ZMIZ1: variants seen among roughly 807,000 people sequenced by gnomAD.
ZMIZ1 encodes zinc finger MIZ domain-containing protein 1.
Under a neutral mutation model 113.9 loss-of-function variants are expected in ZMIZ1, and 17 were observed. The ratio of observed to expected loss-of-function variants is 0.15; its 90% confidence interval spans 0.10 to 0.22. The LOEUF (loss-of-function observed/expected upper bound fraction) is 0.22. ZMIZ1 is among the 10% of genes least tolerant of loss of function. ZMIZ1 has a pLI of 1.00. For missense variants in ZMIZ1, 1,059 were observed against 1,477.8 expected (o/e 0.72, Z 4.65); for synonymous variants, 607 against 603.1 (o/e 1.01, Z -0.09).
chr10:79,285,599 T>C (rs754141479), intron 8 of ZMIZ1: 3 of 455,968 alleles, frequency 6.6e-6, no homozygotes, highest in African/African-American at 2.0e-5. Flanking sequence ...AATGGACATA[T>C]TCATTTTCAG....
intron 7 of ZMIZ1, among the ~76,000 whole-genome samples, chr10:79,230,071 C>T (rs532141828): frequency 9.9e-5 from 15 of 152,260 alleles, no homozygotes; most frequent in Non-Finnish European, 1.6e-4. Flanking sequence ...TGTGTGGGGA[C>T]GCTGCCCTCC....
intron 3 of ZMIZ1, among the ~76,000 whole-genome samples, chr10:79,146,341 AGACTCT>A (rs1459015465): frequency 6.6e-6 from 1 of 152,142 alleles, no homozygotes; most frequent in African/African-American, 2.4e-5. Flanking sequence ...AAAGTGCTCA[AGACTCT>A]GGCCCGCAGA....
At chr10:79,269,658 C>G (rs1487112596) in intron 7 of ZMIZ1, among the ~76,000 whole-genome samples, 2 of 152,128 alleles carry the variant, frequency 1.3e-5, no homozygotes, top group East Asian at 3.9e-4. Context: ...TTCATCCCTC[C>G]CAGCCTCCCC....
At chr10:79,135,071 G>T (rs768264039) in intron 2 of ZMIZ1, among the ~76,000 whole-genome samples, 5 of 152,194 alleles carry the variant, frequency 3.3e-5, no homozygotes, top group Non-Finnish European at 5.9e-5. Flanking sequence ...GCCCGCCTCC[G>T]CCTCCAAAGT....
At chr10:79,081,803 G>A (rs55869157) in intron 1 of ZMIZ1, among the ~76,000 whole-genome samples, 19,895 of 152,240 alleles carry the variant, frequency 0.13, 1,414 homozygotes, top group East Asian at 0.2. Context: ...GCTGTCGCAC[G>A]AGTCCAAGGG....
chr10:79,314,059 C>A lies in ZMIZ1; in HGVS notation c.*1310C>A, dbSNP rs1249673967. ...TGCCCCAGACACTGCCCTTGGCTGC[C>A]AGCCTACCCTGCCTGCACTCCTCCA... On this transcript the variant is annotated 3_prime_UTR_variant, in exon 25 of 25. Transcript: ENST00000334512. 1.1e-5 allele frequency: 5 copies of A among 456,812 alleles called. No homozygotes were observed. The highest frequency in any genetic ancestry group is 2.2e-5 in the Non-Finnish European group (5 of 227,000). The allele number at this position is 456,812 out of a possible 1,614,324, so 28.3% of individuals were successfully genotyped here.
chr10:79,251,544 TG>T (rs1850557629), intron 7 of ZMIZ1, among the ~76,000 whole-genome samples: 1 of 152,074 alleles, frequency 6.6e-6, no homozygotes, highest in South Asian at 2.1e-4. Flanking sequence ...ATACATCTGT[TG>T]GGGGTACCTT....
At chr10:79,081,069 G>A (rs995446246) in intron 1 of ZMIZ1, among the ~76,000 whole-genome samples, 3 of 152,070 alleles carry the variant, frequency 2.0e-5, no homozygotes, top group African/African-American at 7.2e-5. Context: ...ATGCCTCCAC[G>A]GACAGGCTGC....
At chr10:79,124,675 C>T (rs916083028) in intron 2 of ZMIZ1, among the ~76,000 whole-genome samples, 5 of 152,332 alleles carry the variant, frequency 3.3e-5, no homozygotes, top group Admixed American at 1.3e-4. Flanking sequence ...GCTCTTTCCT[C>T]ATGCTGTAGG....
intron 7 of ZMIZ1, among the ~76,000 whole-genome samples, chr10:79,221,866 G>C (rs943586385): frequency 6.6e-6 from 1 of 152,252 alleles, no homozygotes; most frequent in Non-Finnish European, 1.5e-5. Flanking sequence ...AAGAGAGCCC[G>C]AATGCCTGCT....
At chr10:79,264,119 C>G (rs571286624) in intron 7 of ZMIZ1, among the ~76,000 whole-genome samples, 1 of 152,214 alleles carries the variant, frequency 6.6e-6, no homozygotes, top group Non-Finnish European at 1.5e-5. Flanking sequence ...AGCTGGAGTG[C>G]AGGCTCCGTG....
intron 3 of ZMIZ1, among the ~76,000 whole-genome samples, chr10:79,151,707 G>A (rs931736254): frequency 6.6e-6 from 1 of 152,180 alleles, no homozygotes; most frequent in Admixed American, 6.5e-5. Context: ...TCCCACCGGC[G>A]TGGGGTTGTC....
intron 7 of ZMIZ1, among the ~76,000 whole-genome samples, chr10:79,245,250 G>A (rs558478510): frequency 7.9e-4 from 121 of 152,308 alleles, no homozygotes; most frequent in Admixed American, 2.7e-3. Context: ...CAGCCTGTGC[G>A]CTCAGGGACT....
At chr10:79,132,414 C>T (rs2132378204) in intron 2 of ZMIZ1, among the ~76,000 whole-genome samples, 2 of 152,328 alleles carry the variant, frequency 1.3e-5, no homozygotes, top group Middle Eastern at 6.8e-3. Flanking sequence ...CACTCAGCTG[C>T]TGCCTGCAGC....
intron 7 of ZMIZ1, among the ~76,000 whole-genome samples, chr10:79,218,209 C>T (rs142851564): frequency 3.3e-5 from 5 of 152,318 alleles, no homozygotes; most frequent in Middle Eastern, 3.4e-3. Context: ...TGCAGTGGCT[C>T]ACACCTGTAA....
chr10:79,171,459 C>T (rs1291958755), intron 4 of ZMIZ1, among the ~76,000 whole-genome samples: 1 of 152,198 alleles, frequency 6.6e-6, no homozygotes, highest in Non-Finnish European at 1.5e-5. Flanking sequence ...CAGGCCTCTG[C>T]GCAAGTCAGC....
At chr10:79,149,700 C>T (rs546098936) in intron 3 of ZMIZ1, among the ~76,000 whole-genome samples, 3 of 152,228 alleles carry the variant, frequency 2.0e-5, no homozygotes, top group Non-Finnish European at 2.9e-5. Flanking sequence ...GGCACGCCTT[C>T]TGCAAGAGCT....
At chr10:79,301,740 G>A (rs1854314399) in intron 17 of ZMIZ1, among the ~76,000 whole-genome samples, 1 of 152,168 alleles carries the variant, frequency 6.6e-6, no homozygotes, top group Non-Finnish European at 1.5e-5. Flanking sequence ...TTTGGGATGT[G>A]CAGTTCTGGA....
chr10:79,152,045 C>T (rs1564682724), intron 3 of ZMIZ1, among the ~76,000 whole-genome samples: 2 of 152,184 alleles, frequency 1.3e-5, no homozygotes, highest in South Asian at 4.1e-4. Flanking sequence ...ATGGAGTAGT[C>T]AGGGGACCGG....
Sources: gnomAD v4.1 joint callset for allele counts (sites outside exome capture counted in the v4.1 genomes callset) on GRCh38, gnomAD v4.1.1 for gene constraint, MANE v1.5 for transcripts, NCBI Gene and HGNC (gene_info 2026-07-23, HGNC 2026-07-21) for gene names.